The following IQCC variants were observed in gnomAD, a reference collection of about 807,000 sequenced individuals.
IQCC encodes IQ motif containing C.
IQCC carries 23 observed loss-of-function variants against 27.0 expected under a neutral mutation model. The observed-to-expected ratio is 0.85, with a 90% confidence interval of 0.61 to 1.21. The LOEUF (loss-of-function observed/expected upper bound fraction) is 1.21, where lower values mean the gene tolerates loss of function less well. IQCC is among the 50% of genes most tolerant of loss of function. The probability of loss-of-function intolerance (pLI) is 0.00; values close to 1 mark genes in which losing one functional copy is unlikely to be tolerated. For synonymous variants in IQCC, 220 were observed against 217.2 expected (o/e 1.01, Z -0.11); for missense variants, 552 against 562.3 (o/e 0.98, Z 0.19).
At position 32,207,843 on chromosome 1, in the gene IQCC, G is replaced by T. The variant is rs368769892; in HGVS notation, c.1162G>T (p.Gly388Trp). ...CCACATCATCTGGGATGGTACCTTG[G>T]GGGGGCCAGAGCATAGTGTCCTCGA... ...EDHIIWDGTL[G>W]GPEHSVLDLW... Residue 388 changes from glycine (G) to tryptophan (W), a missense_variant, in exon 5 of 5, where the codon GGG (glycine) becomes TGG (tryptophan). Transcript: ENST00000291358. The T allele has an allele frequency of 3.7e-5, 59 of 1,614,070 alleles. 1 individual carries two copies. The highest frequency in any genetic ancestry group is 7.7e-5 in the South Asian group (7 of 91,074).
chr1:32,205,988 A>G lies in IQCC; in HGVS notation c.43-166A>G, dbSNP rs1343789313. 1 of 1,563,710 alleles carries G rather than the reference A, an allele frequency of 6.4e-7. No homozygotes were observed. The highest frequency in any genetic ancestry group is 8.7e-7 in the Non-Finnish European group (1 of 1,153,120). On this transcript the variant is annotated intron_variant, in intron 1 of 4. Transcript: ENST00000291358. The surrounding 1 kb of genome is among the most constrained non-coding windows in gnomAD (Gnocchi z 5.6). ...GGCGAGGAGGGGCATCCAGTCTGGC[A>G]TCGTCCCTCGAGCCCCCCGGAGCCC...
rs1643374437 is a variant in IQCC at position 32,207,118 on chromosome 1, G to A, written c.556G>A (p.Glu186Lys). The A allele has an allele frequency of 1.2e-6, 2 of 1,605,240 alleles. No individual in the cohort carries two copies. The highest frequency in any genetic ancestry group is 1.7e-6 in the Non-Finnish European group (2 of 1,174,298). ...WLQQAINSRKEYLLLKQTLRS... is the reference protein window; with the variant it reads ...WLQQAINSRKKYLLLKQTLRS... ...GCAACAGGCCATCAATAGCCGTAAG[G>A]AGGTAACACTAACCTGGAACTCTTT... is the stretch of plus-strand genomic sequence containing the variant. The change falls in exon 4 of 5, where the codon GAG becomes AAG. Residue 186 changes from glutamate (E) to lysine (K), a missense_variant and splice_region_variant. By Grantham distance (56) the Glu-to-Lys change is moderately conservative (BLOSUM62 1). Transcript: ENST00000291358.
Position 32,206,614 on chromosome 1 carries a change from TG to T in IQCC, c.295del (p.Glu99ArgfsTer5). On this transcript the variant is annotated frameshift_variant, in exon 3 of 5. Transcript: ENST00000291358. LOFTEE classifies it high-confidence loss of function. ...PCEESEGEATWEEMVLKKSGE... is the reference protein window; with the variant it reads ...PCEESEGEATXEEMVLKKSGE... Reference sequence around the variant, plus strand: ...TGAAGAGTCTGAGGGAGAGGCCACCTGGGAGGAGATGGTGCTGAAGAAGTCA... The same window carrying T: ...TGAAGAGTCTGAGGGAGAGGCCACCTGGAGGAGATGGTGCTGAAGAAGTCA... 6.2e-7 allele frequency: 1 copy of T among 1,614,178 alleles called. No homozygotes were observed. The highest frequency in any genetic ancestry group is 1.1e-5 in the South Asian group (1 of 91,082).
Position 32,205,741 on chromosome 1 carries a change from G to A in IQCC, c.42+18G>A, listed in dbSNP as rs1285411645. On this transcript the variant is annotated intron_variant, in intron 1 of 4. Transcript: ENST00000291358. The surrounding 1 kb of genome is among the most constrained non-coding windows in gnomAD (Gnocchi z 5.6). Reference sequence around the variant, plus strand: ...CATTGCAGGTGCGGGGGCGGGCGCGGGGTTCACAGGATTTTTCCTTTAGGG... The same window carrying A: ...CATTGCAGGTGCGGGGGCGGGCGCGAGGTTCACAGGATTTTTCCTTTAGGG... 1.2e-6 allele frequency: 2 copies of A among 1,611,490 alleles called. No individual in the cohort carries two copies. The highest frequency in any genetic ancestry group is 2.2e-5 in the East Asian group (1 of 44,856).
At position 32,206,042 on chromosome 1, in the gene IQCC, G is replaced by T. The variant is rs1569693712; in HGVS notation, c.43-112G>T. ...CGCACAGCCCACCTATCCTTTCCCC[G>T]CCGTCAGGTCCCCTCTTGCATTCGC... is the stretch of plus-strand genomic sequence containing the variant. On this transcript the variant is annotated intron_variant, in intron 1 of 4. Transcript: ENST00000291358. 2.5e-6 allele frequency: 4 copies of T among 1,598,084 alleles called. No homozygotes were observed. In the South Asian group the frequency reaches 3.3e-5, roughly 13 times the overall value.
chr1:32,206,494 T>G lies in IQCC; in HGVS notation c.187-15T>G. 1 of 1,613,846 alleles carries G rather than the reference T, an allele frequency of 6.2e-7. No individual in the cohort carries two copies. The highest frequency in any genetic ancestry group is 8.5e-7 in the Non-Finnish European group (1 of 1,179,976). On this transcript the variant is annotated splice_polypyrimidine_tract_variant and intron_variant, in intron 2 of 4. Transcript: ENST00000291358. ...GGTTTAGCCCTGGGGCTCTCACATC[T>G]CTCTTGTTTCTCAGAAGGCAAAATC... is the stretch of plus-strand genomic sequence containing the variant.
At position 32,208,318 on chromosome 1, in the gene IQCC, G is replaced by A; in HGVS notation, c.*236G>A. 2 of 473,968 alleles carry A rather than the reference G, an allele frequency of 4.2e-6. No homozygotes were observed. The highest frequency in any genetic ancestry group is 7.6e-5 in the South Asian group (2 of 26,250). The allele number at this position is 473,968 out of a possible 1,614,324, so 29.4% of individuals were successfully genotyped here. A position where few individuals can be genotyped will look rare whatever the true frequency, so the allele number is the denominator to read the frequency against. On this transcript the variant is annotated 3_prime_UTR_variant, in exon 5 of 5. Transcript: ENST00000291358. ...CTCAATCCAAATTTGTGGATAAGGG[G>A]CCGGGTGCAGTGGCTCACACCTGTA...
rs1643437076 is a variant in IQCC, at chr1:32,208,148, ACCT to A, written c.*68_*70del. 13 of 1,453,628 alleles carry A rather than the reference ACCT, an allele frequency of 8.9e-6. No homozygotes were observed. The highest frequency in any genetic ancestry group is 2.5e-5 in the Admixed American group (1 of 39,760). 90.0% of individuals were successfully genotyped at this position (1,453,628 alleles called of 1,614,324 possible). A position where few individuals can be genotyped will look rare whatever the true frequency, so the allele number is the denominator to read the frequency against. On this transcript the variant is annotated 3_prime_UTR_variant, in exon 5 of 5. Transcript: ENST00000291358. ...TGCTATGAAAGGGCAGTGAGACAAGACCTCATCCTACCTCCCTGACCAGCTCTG... is the reference window on the plus strand; with the variant it reads ...TGCTATGAAAGGGCAGTGAGACAAGACATCCTACCTCCCTGACCAGCTCTG...
At position 32,207,841 on chromosome 1, in the gene IQCC, T is replaced by TG. The variant is rs753907631; in HGVS notation, c.1167dup (p.Pro390AlafsTer4). The TG allele has an allele frequency of 2.9e-5, 46 of 1,613,600 alleles. No individual in the cohort carries two copies. The highest frequency in any genetic ancestry group is 3.0e-5 in the Non-Finnish European group (35 of 1,179,940). ...GACCACATCATCTGGGATGGTACCT[T>TG]GGGGGGGCCAGAGCATAGTGTCCTC... is the stretch of plus-strand genomic sequence containing the variant. On this transcript the variant is annotated frameshift_variant, in exon 5 of 5. Transcript: ENST00000291358. LOFTEE classifies it low-confidence loss of function (END_TRUNC).
chr1:32,207,616 C>T lies in IQCC; in HGVS notation c.935C>T (p.Thr312Ile). 6.2e-7 allele frequency: 1 copy of T among 1,613,904 alleles called. No individual in the cohort carries two copies. The highest frequency in any genetic ancestry group is 8.5e-7 in the Non-Finnish European group (1 of 1,179,996). The change falls in exon 5 of 5, where the codon ACC (threonine) becomes ATC (isoleucine). Residue 312 changes from threonine (T) to isoleucine (I), a missense_variant. Transcript: ENST00000291358. ...GATGGAAGACAGACCTTTGGAGGGA[C>T]CTGCCTGCTGCAGATGAAAATCCTG... ...PDDGRQTFGG[T>I]CLLQMKILED...
intron 2 of IQCC, 103 bp downstream of exon 2, chr1:32,206,400 C>G (rs1321586541): frequency 4.5e-5 from 72 of 1,596,760 alleles, no homozygotes; most frequent in Non-Finnish European, 6.1e-5. Flanking sequence ...GTAGACTCAC[C>G]TCCTCACACC....
In IQCC at chr1:32,207,981, T is replaced by C. The variant is rs764086303; in HGVS notation, c.1300T>C (p.Trp434Arg). Reference sequence around the variant, plus strand: ...ACAGAAAAAGCAGAGGACTATACCATGGAGATCAAAGTCACCTGAGATTCT... The same window carrying C: ...ACAGAAAAAGCAGAGGACTATACCACGGAGATCAAAGTCACCTGAGATTCT... ...EGQKKQRTIP[W>R]RSKSPEILSS... The change falls in exon 5 of 5, where the codon TGG (tryptophan) becomes CGG (arginine). Residue 434 changes from tryptophan (W) to arginine (R), a missense_variant. Transcript: ENST00000291358. 1.2e-6 allele frequency: 2 copies of C among 1,613,914 alleles called. No individual in the cohort carries two copies. Among genetic ancestry groups the C allele is most frequent in the African/African-American group, 1.3e-5 (1 of 74,852 alleles).
At position 32,206,250 on chromosome 1, in the gene IQCC, C is replaced by G; in HGVS notation, c.139C>G (p.Leu47Val). 2 of 1,614,220 alleles carry G rather than the reference C, an allele frequency of 1.2e-6. No individual in the cohort carries two copies. The highest frequency in any genetic ancestry group is 1.7e-6 in the Non-Finnish European group (2 of 1,180,044). Residue 47 changes from leucine (L) to valine (V), a missense_variant, in exon 2 of 5, where the codon CTT becomes GTT. Transcript: ENST00000291358. ...AGAGGTCGAGGGCGACCTGGGCACG[C>G]TTCAGTGGACCGAGGGCCGCATTCC... Reference protein sequence around the residue: ...VREVEGDLGTLQWTEGRIPRP... With the variant: ...VREVEGDLGTVQWTEGRIPRP...
Position 32,206,236 on chromosome 1 carries a change from G to A in IQCC, c.125G>A (p.Gly42Asp), listed in dbSNP as rs763233083. 1.2e-6 allele frequency: 2 copies of A among 1,614,162 alleles called. No homozygotes were observed. Among genetic ancestry groups the A allele is most frequent in the East Asian group, 4.5e-5 (2 of 44,880 alleles). The change falls in exon 2 of 5, where the codon GGC (glycine) becomes GAC (aspartate). Residue 42 changes from glycine to aspartate, a missense_variant. Gly to Asp is a moderately conservative substitution (Grantham distance 94, BLOSUM62 -1). Coordinates refer to ENST00000291358, the MANE Select transcript of IQCC (RefSeq NM_018134.3). ...GAGGCGATTGTACGAGAGGTCGAGG[G>A]CGACCTGGGCACGCTTCAGTGGACC... Reference protein sequence around the residue: ...EYEAIVREVEGDLGTLQWTEG... With the variant: ...EYEAIVREVEDDLGTLQWTEG...
Position 32,207,600 on chromosome 1 carries a change from C to A in IQCC, c.919C>A (p.Gln307Lys). The A allele has an allele frequency of 6.2e-7, 1 of 1,613,700 alleles. No individual in the cohort carries two copies. The highest frequency in any genetic ancestry group is 1.7e-4 in the Middle Eastern group (1 of 6,060). The change falls in exon 5 of 5, where the codon CAG becomes AAG. Residue 307 changes from glutamine (Q) to lysine (K), a missense_variant. By Grantham distance (53) the Gln-to-Lys change is moderately conservative. Transcript: ENST00000291358. ...RLTKGPDDGR[Q>K]TFGGTCLLQM... ...CACCAAAGGGCCAGACGATGGAAGACAGACCTTTGGAGGGACCTGCCTGCT... is the reference window on the plus strand; with the variant it reads ...CACCAAAGGGCCAGACGATGGAAGAAAGACCTTTGGAGGGACCTGCCTGCT...
Position 32,207,783 on chromosome 1 carries a change from A to G in IQCC, c.1102A>G (p.Thr368Ala), listed in dbSNP as rs1361014658. ...KLDHKEPDCR[T>A]VRTQELGLSE... ...AGACCACAAAGAGCCTGACTGCCGA[A>G]CAGTCAGGACACAAGAGTTGGGCCT... The change falls in exon 5 of 5, where the codon ACA (threonine) becomes GCA (alanine). Residue 368 changes from threonine to alanine, a missense_variant. Transcript: ENST00000291358. The G allele has an allele frequency of 1.2e-6, 2 of 1,613,856 alleles. No individual in the cohort carries two copies. Among genetic ancestry groups the G allele is most frequent in the Non-Finnish European group, 1.7e-6 (2 of 1,179,842 alleles).
In IQCC at chr1:32,207,107, A is replaced by G. The variant is rs765596362; in HGVS notation, c.545A>G (p.Asn182Ser). The G allele has an allele frequency of 3.7e-6, 6 of 1,609,704 alleles. No individual in the cohort carries two copies. The highest frequency in any genetic ancestry group is 1.1e-5 in the South Asian group (1 of 90,572). The change falls in exon 4 of 5, where the codon AAT becomes AGT. Residue 182 changes from asparagine (N) to serine (S), a missense_variant. Asn to Ser is a conservative substitution (Grantham distance 46, BLOSUM62 1). Coordinates refer to ENST00000291358, the MANE Select transcript of IQCC (RefSeq NM_018134.3). ...TTGCTGTGGCTGCAACAGGCCATCA[A>G]TAGCCGTAAGGAGGTAACACTAACC... ...MELLWLQQAINSRKEYLLLKQ... is the reference protein window; with the variant it reads ...MELLWLQQAISSRKEYLLLKQ...
At position 32,207,838 on chromosome 1, in the gene IQCC, C is replaced by A. The variant is rs1192305836; in HGVS notation, c.1157C>A (p.Thr386Asn). 3 of 1,613,974 alleles carry A rather than the reference C, an allele frequency of 1.9e-6. No homozygotes were observed. The highest frequency in any genetic ancestry group is 3.3e-5 in the Admixed American group (2 of 59,992). The stretch of plus-strand genomic sequence containing the variant: ...GAGGACCACATCATCTGGGATGGTA[C>A]CTTGGGGGGGCCAGAGCATAGTGTC... The part of the protein sequence containing the change: ...LSEDHIIWDG[T>N]LGGPEHSVLD... The change falls in exon 5 of 5, where the codon ACC becomes AAC. Residue 386 changes from threonine to asparagine, a missense_variant. Coordinates refer to ENST00000291358, the MANE Select transcript of IQCC (RefSeq NM_018134.3).
rs779839965 is a variant in IQCC at position 32,207,648 on chromosome 1, C to G, written c.967C>G (p.Gln323Glu). Residue 323 changes from glutamine (Q) to glutamate (E), a missense_variant, in exon 5 of 5, where the codon CAG becomes GAG. Gln to Glu is a conservative substitution (Grantham distance 29, BLOSUM62 2). Coordinates refer to ENST00000291358, the MANE Select transcript of IQCC (RefSeq NM_018134.3). ...GCTGCAGATGAAAATCCTGGAGGACCAGACCCCCAGAGGTTTAAAACCTAG... is the reference window on the plus strand; with the variant it reads ...GCTGCAGATGAAAATCCTGGAGGACGAGACCCCCAGAGGTTTAAAACCTAG... ...CLLQMKILED[Q>E]TPRGLKPRNH... is the part of the protein sequence containing the mutation. 19 of 1,613,972 alleles carry G rather than the reference C, an allele frequency of 1.2e-5. No individual in the cohort carries two copies. The highest frequency in any genetic ancestry group is 1.6e-5 in the Non-Finnish European group (19 of 1,179,994).
Sources: gnomAD v4.1 joint callset for allele counts on GRCh38, gnomAD v4.1.1 for gene constraint, Gnocchi (gnomAD v3.1) non-coding constraint, MANE v1.5 for transcripts, NCBI Gene and HGNC (gene_info 2026-07-23, HGNC 2026-07-21) for gene names.